Variants in TMEM163 observed in about 807,000 individuals in gnomAD.
TMEM163 encodes the protein transmembrane protein 163.
TMEM163 carries 17 observed loss-of-function variants against 29.3 expected under a neutral mutation model. The observed-to-expected ratio is 0.58, with a 90% confidence interval of 0.40 to 0.87. The LOEUF (loss-of-function observed/expected upper bound fraction) is 0.87. Among genes scored for constraint, TMEM163 ranks in the 40% least tolerant of loss-of-function variants. TMEM163 has a pLI of 0.00. For synonymous variants in TMEM163, 157 were observed against 160.6 expected, an observed-to-expected ratio of 0.98 and a Z score of 0.17; for missense variants, 303 against 381.5, an observed-to-expected ratio of 0.79 and a Z score of 1.71.
chr2:134,666,471 G>A (rs914543645), intron 2 of TMEM163, among the ~76,000 whole-genome samples: 6 of 152,122 alleles, frequency 3.9e-5, no homozygotes, highest in East Asian at 1.9e-4. Flanking sequence ...CACCTGCTCC[G>A]CCTTGAAAGC....
In TMEM163 at chr2:134,466,202, G is replaced by A; in HGVS notation, c.579C>T (p.Ser193=). The A allele has an allele frequency of 2.5e-6, 4 of 1,613,822 alleles. No individual in the cohort carries two copies. The highest frequency in any genetic ancestry group is 3.4e-6 in the Non-Finnish European group (4 of 1,179,942). Residue 193 remains serine (S), a synonymous_variant, in exon 6 of 8, where the codon TCC becomes TCT. Transcript: ENST00000281924. The part of the protein sequence containing the change: ...PEVDDFLFSV[S]ILSGILCSIL... ...TGCTGCAAAGAATCCCACTTAAAAT[G>A]GAGACACTGAACAGGAAATCGTCCT...
chr2:134,700,627 G>A (rs1009928828), intron 2 of TMEM163, among the ~76,000 whole-genome samples: 3 of 152,124 alleles, frequency 2.0e-5, no homozygotes, highest in Admixed American at 6.6e-5. Flanking sequence ...AGCCAGGCAC[G>A]GTGGCTCATG....
At chr2:134,496,591 G>A (rs1679567080) in intron 5 of TMEM163, among the ~76,000 whole-genome samples, 2 of 152,072 alleles carry the variant, frequency 1.3e-5, no homozygotes, top group Non-Finnish European at 2.9e-5. Context: ...ACCAAATGAC[G>A]CTAATGACTG....
chr2:134,487,392 A>G (rs1171587491), intron 5 of TMEM163, among the ~76,000 whole-genome samples: 9 of 152,226 alleles, frequency 5.9e-5, no homozygotes, highest in African/African-American at 1.9e-4. Flanking sequence ...CCTGATAAAA[A>G]TTTCACCAAA....
intron 4 of TMEM163, among the ~76,000 whole-genome samples, chr2:134,523,542 T>C (rs1468651405): frequency 6.6e-6 from 1 of 152,104 alleles, no homozygotes; most frequent in Non-Finnish European, 1.5e-5. Context: ...CACTCCTGTC[T>C]CTCCCCCAAT....
chr2:134,680,511 C>G (rs985233753), intron 2 of TMEM163, among the ~76,000 whole-genome samples: 3 of 152,162 alleles, frequency 2.0e-5, no homozygotes. Flanking sequence ...AAATGTCCAC[C>G]TCTCACAAAT....
rs1558907490 is a variant in TMEM163, at chr2:134,456,132, G to GT, written c.*583dup. ...ATTCGTCCATGCAAAGCTTATACGT[G>GT]TATCACTAAGTACTTTAAAAAATAG... On this transcript the variant is annotated 3_prime_UTR_variant, in exon 8 of 8. Transcript: ENST00000281924. 6.5e-6 allele frequency: 1 copy of GT among 152,960 alleles called. No individual in the cohort carries two copies. Among genetic ancestry groups the GT allele is most frequent in the Non-Finnish European group, 1.5e-5 (1 of 68,312 alleles). 9.5% of individuals were successfully genotyped at this position (152,960 alleles called of 1,614,324 possible).
At chr2:134,662,765 A>G (rs11683389) in intron 2 of TMEM163, among the ~76,000 whole-genome samples, 3 of 152,208 alleles carry the variant, frequency 2.0e-5, no homozygotes, top group Non-Finnish European at 4.4e-5. Context: ...AGTGAGGAAC[A>G]GCCAGGAGCT....
intron 2 of TMEM163, among the ~76,000 whole-genome samples, chr2:134,662,372 A>G (rs779669277): frequency 3.9e-5 from 6 of 152,236 alleles, no homozygotes; most frequent in Non-Finnish European, 7.3e-5. Context: ...ATGTAAGGAA[A>G]GAGACAATAT....
intron 4 of TMEM163, among the ~76,000 whole-genome samples, chr2:134,528,594 C>T (rs1460832478): frequency 2.6e-5 from 4 of 152,106 alleles, no homozygotes; most frequent in Non-Finnish European, 5.9e-5. Context: ...TTTGGAGTAA[C>T]ATCTCTAGGG....
chr2:134,473,554 A>G (rs1686851575), intron 5 of TMEM163, among the ~76,000 whole-genome samples: 1 of 151,586 alleles, frequency 6.6e-6, no homozygotes, highest in Admixed American at 6.6e-5. Context: ...AAAAAAGAAA[A>G]AGAAACCAAT....
intron 4 of TMEM163, among the ~76,000 whole-genome samples, chr2:134,534,299 A>G (rs1680481172): frequency 6.6e-6 from 1 of 152,138 alleles, no homozygotes; most frequent in Non-Finnish European, 1.5e-5. Flanking sequence ...CTTCTCACAT[A>G]GGAAACAAAA....
At chr2:134,686,153 C>T (rs1684346610) in intron 2 of TMEM163, among the ~76,000 whole-genome samples, 1 of 152,158 alleles carries the variant, frequency 6.6e-6, no homozygotes, top group Admixed American at 6.5e-5. Flanking sequence ...AGCTGCCCTC[C>T]CCACCCCAGC....
intron 2 of TMEM163, among the ~76,000 whole-genome samples, chr2:134,678,572 T>A (rs952611469): frequency 6.6e-6 from 1 of 152,198 alleles, no homozygotes; most frequent in Non-Finnish European, 1.5e-5. Context: ...ACATATCCGC[T>A]GAGAGGGAGG....
Position 134,486,142 on chromosome 2 carries a change from C to T in TMEM163, c.555+16759G>A, listed in dbSNP as rs566479196. 8.5e-5 allele frequency among the ~76,000 whole-genome samples: 13 copies of T among 152,324 alleles called. No homozygotes were observed. The East Asian group carries it at 2.3e-3, about 27-fold the overall frequency. On this transcript the variant is annotated intron_variant, in intron 5 of 7. Transcript: ENST00000281924. ...ATATGGAGAAGCTCTATGCACAACA[C>T]TCTTCATGCAAAATACCTTTGCCAG...
chr2:134,686,011 C>T (rs1684342969), intron 2 of TMEM163, among the ~76,000 whole-genome samples: 1 of 152,214 alleles, frequency 6.6e-6, no homozygotes, highest in Non-Finnish European at 1.5e-5. Flanking sequence ...CAGCCATATA[C>T]CTGTCTGTCC....
intron 4 of TMEM163, among the ~76,000 whole-genome samples, chr2:134,523,312 CCAGT>C: frequency 6.6e-6 from 1 of 152,146 alleles, no homozygotes; most frequent in African/African-American, 2.4e-5. Flanking sequence ...ACATCACCAG[CCAGT>C]CAATTAAGGG....
intron 5 of TMEM163, 77 bp downstream of exon 5, chr2:134,502,824 G>C: frequency 7.6e-7 from 1 of 1,318,972 alleles, no homozygotes; most frequent in Non-Finnish European, 1.1e-6. Flanking sequence ...GACTCCACCC[G>C]GGAACCCTGC....
chr2:134,712,630 C>T (rs553933574), intron 2 of TMEM163, among the ~76,000 whole-genome samples: 2 of 152,174 alleles, frequency 1.3e-5, no homozygotes, highest in East Asian at 3.8e-4. Flanking sequence ...CTTCCTAACC[C>T]CCAAACAGGA....
Sources: allele counts gnomAD v4.1 joint callset (sites outside exome capture counted in the v4.1 genomes callset), GRCh38; gene constraint gnomAD v4.1.1; transcripts MANE v1.5; gene names NCBI Gene and HGNC (gene_info 2026-07-23, HGNC 2026-07-21).